Variants in GNA11 observed in about 807,000 individuals in gnomAD.
The protein encoded by GNA11 is G protein subunit alpha 11.
In GNA11, 8 loss-of-function variants were observed where a neutral mutation model predicts 38.2. That is an observed-to-expected ratio of 0.21 (90% confidence interval 0.12 to 0.38). The LOEUF (loss-of-function observed/expected upper bound fraction) is 0.38. GNA11 is among the 10% of genes least tolerant of loss of function. The probability of loss-of-function intolerance (pLI) is 1.00; values close to 1 mark genes in which losing one functional copy is unlikely to be tolerated. For synonymous variants in GNA11, 211 were observed against 221.4 expected (o/e 0.95, Z 0.42); for missense variants, 268 against 516.3 (o/e 0.52, Z 4.66).
At chr19:3,098,869 C>T (rs984942033) in intron 1 of GNA11, among the ~76,000 whole-genome samples, 10 of 152,174 alleles carry the variant, frequency 6.6e-5, no homozygotes, top group South Asian at 2.1e-4. Flanking sequence ...GGACTTGGTC[C>T]GGGCCTGCTC....
chr19:3,116,988 C>T (rs531862312), intron 4 of GNA11, among the ~76,000 whole-genome samples: 289 of 152,236 alleles, frequency 1.9e-3, no homozygotes, highest in African/African-American at 2.1e-3. Context: ...AGGGAGGATG[C>T]GGCGTGAAGA....
chr19:3,121,571 C>T lies in GNA11; in HGVS notation c.*392C>T, dbSNP rs1370024152. 11 of 235,614 alleles carry T rather than the reference C, an allele frequency of 4.7e-5. No individual in the cohort carries two copies. Among genetic ancestry groups the T allele is most frequent in the Middle Eastern group, 1.3e-3 (1 of 796 alleles). The allele number at this position is 235,614 out of a possible 1,614,324, so 14.6% of individuals were successfully genotyped here. A position where few individuals can be genotyped will look rare whatever the true frequency, so the allele number is the denominator to read the frequency against. ...GCCCCCGCCAGCCAGCATGGGGCCC[C>T]GCCCTGCAGCCAGTCACGCGCCCCC... On this transcript the variant is annotated 3_prime_UTR_variant, in exon 7 of 7. Coordinates refer to ENST00000078429, the MANE Select transcript of GNA11 (RefSeq NM_002067.5).
Position 3,113,444 on chromosome 19 carries a change from G to A in GNA11, c.436G>A (p.Asp146Asn), listed in dbSNP as rs778757346. ...GGACCCGGGCATCCAGGAATGCTAC[G>A]ACCGCAGGCGCGAGTACCAGCTCTC... ...WEDPGIQECY[D>N]RRREYQLSDS... is the part of the protein sequence containing the mutation. Residue 146 changes from aspartate to asparagine, a missense_variant, in exon 3 of 7, where the codon GAC (aspartate) becomes AAC (asparagine). Transcript: ENST00000078429. 6.2e-6 allele frequency: 10 copies of A among 1,611,924 alleles called. No individual in the cohort carries two copies. Among genetic ancestry groups the A allele is most frequent in the Admixed American group, 3.3e-5 (2 of 59,854 alleles).
intron 4 of GNA11, 23 bp downstream of exon 4, chr19:3,115,095 C>A (rs377147005): frequency 1.9e-6 from 3 of 1,607,696 alleles, no homozygotes; most frequent in Non-Finnish European, 2.6e-6. Context: ...CCACAGCAGG[C>A]GGGGAGGGGG....
intron 1 of GNA11, among the ~76,000 whole-genome samples, chr19:3,105,702 T>G (rs777179869): frequency 5.9e-5 from 9 of 152,170 alleles, no homozygotes; most frequent in Non-Finnish European, 1.2e-4. Context: ...GCGTTGCCCT[T>G]GGGGTGGCGG....
At chr19:3,098,512 C>A (rs551611823) in intron 1 of GNA11, among the ~76,000 whole-genome samples, 6 of 152,276 alleles carry the variant, frequency 3.9e-5, no homozygotes, top group African/African-American at 1.4e-4. Flanking sequence ...TGGGGACTTC[C>A]ATGGGAATGC....
In GNA11 at chr19:3,120,893, C is replaced by A; in HGVS notation, c.890-96C>A. The A allele has an allele frequency of 1.1e-6, 1 of 880,878 alleles. No homozygotes were observed. The allele number at this position is 880,878 out of a possible 1,614,324, so 54.6% of individuals were successfully genotyped here. Reference sequence around the variant, plus strand: ...GGGGTCGAGCTGGGTGGGCCGTGGGCCTTACTCGCTCATCCCCTGGGAGTG... The same window carrying A: ...GGGGTCGAGCTGGGTGGGCCGTGGGACTTACTCGCTCATCCCCTGGGAGTG... On this transcript the variant is annotated intron_variant, in intron 6 of 6. Coordinates refer to ENST00000078429, the MANE Select transcript of GNA11 (RefSeq NM_002067.5). This position sits in a 1 kb window ranked among gnomAD's most constrained non-coding sequence, Gnocchi z 5.9.
rs2145320628 is a variant in GNA11, at chr19:3,114,937, G to A, written c.477-7G>A. The A allele has an allele frequency of 6.2e-7, 1 of 1,601,314 alleles. No homozygotes were observed. The highest frequency in any genetic ancestry group is 8.5e-7 in the Non-Finnish European group (1 of 1,175,202). On this transcript the variant is annotated splice_polypyrimidine_tract_variant and splice_region_variant and intron_variant, in intron 3 of 6. Transcript: ENST00000078429. ...AGCCGGCCTGAGCACCCACCGCTGTGTTGCAGCTACCTGACCGACGTTGAC... is the reference window on the plus strand; with the variant it reads ...AGCCGGCCTGAGCACCCACCGCTGTATTGCAGCTACCTGACCGACGTTGAC...
At position 3,118,954 on chromosome 19, in the gene GNA11, G is replaced by A. The variant is rs2145326026; in HGVS notation, c.636G>A (p.Glu212=). The change falls in exon 5 of 7, where the codon GAG becomes GAA. Residue 212 remains glutamate, a synonymous_variant. Transcript: ENST00000078429. ...TGGATGTGGGGGGCCAGCGGTCGGA[G>A]CGGAGGAAGTGGATCCACTGCTTTG... ...RMVDVGGQRS[E]RRKWIHCFEN... 3.7e-6 allele frequency: 6 copies of A among 1,613,800 alleles called. No individual in the cohort carries two copies. Among genetic ancestry groups the A allele is most frequent in the Non-Finnish European group, 4.2e-6 (5 of 1,179,712 alleles).
intron 2 of GNA11, among the ~76,000 whole-genome samples, chr19:3,111,910 G>T (rs1467730838): frequency 6.6e-6 from 1 of 152,216 alleles, no homozygotes; most frequent in African/African-American, 2.4e-5. Flanking sequence ...TTTGCCACTT[G>T]CCCTGTCTCC....
chr19:3,118,787 C>G (rs1441228581), intron 4 of GNA11, 137 bp from the exon 5 acceptor site: 1 of 801,804 alleles, frequency 1.2e-6, no homozygotes, highest in Admixed American at 2.2e-5. Context: ...CTTGCCCGTT[C>G]TAAGAGTGGG....
chr19:3,094,884 T>G lies in GNA11; in HGVS notation c.136+97T>G, dbSNP rs1599293290. ...GGCCGGGACCCTCCGGGGTCAGCCC[T>G]GCCTGTGCCGTCCGGGTCGCGAGAC... On this transcript the variant is annotated intron_variant, in intron 1 of 6. Coordinates refer to ENST00000078429, the MANE Select transcript of GNA11 (RefSeq NM_002067.5). The surrounding 1 kb of genome is among the most constrained non-coding windows in gnomAD (Gnocchi z 6.0). 1.3e-5 allele frequency: 12 copies of G among 896,578 alleles called. No individual in the cohort carries two copies. In the East Asian group the frequency reaches 3.7e-4, roughly 28 times the overall value. 55.5% of individuals were successfully genotyped at this position (896,578 alleles called of 1,614,324 possible). A position where few individuals can be genotyped will look rare whatever the true frequency, so the allele number is the denominator to read the frequency against.
In GNA11 at chr19:3,113,351, G is replaced by C. The variant is rs1451507571; in HGVS notation, c.343G>C (p.Glu115Gln). ...QNKANALLIR[E>Q]VDVEKVTTFE... ...GCAGGCCAATGCGCTCCTGATCCGGGAGGTGGACGTGGAGAAGGTGACCAC... is the reference window on the plus strand; with the variant it reads ...GCAGGCCAATGCGCTCCTGATCCGGCAGGTGGACGTGGAGAAGGTGACCAC... The change falls in exon 3 of 7, where the codon GAG (glutamate) becomes CAG (glutamine). Residue 115 changes from glutamate (E) to glutamine (Q), a missense_variant. By Grantham distance (29) the Glu-to-Gln change is conservative. This residue lies in a region of GNA11 where 151 missense variants were observed against 254.0 expected (regional missense o/e 0.59). Transcript: ENST00000078429. 1.2e-6 allele frequency: 2 copies of C among 1,613,474 alleles called. No homozygotes were observed. The highest frequency in any genetic ancestry group is 4.5e-5 in the East Asian group (2 of 44,866).
intron 3 of GNA11, among the ~76,000 whole-genome samples, chr19:3,114,392 A>G (rs533588537): frequency 6.6e-6 from 1 of 152,306 alleles, no homozygotes; most frequent in South Asian, 2.1e-4. Context: ...GGAAGCCGGA[A>G]TCAAGCGTGG....
intron 1 of GNA11, among the ~76,000 whole-genome samples, chr19:3,096,995 C>T (rs1451070102): frequency 3.3e-5 from 5 of 152,272 alleles, no homozygotes; most frequent in East Asian, 1.9e-4. Flanking sequence ...AGCTGGAGGG[C>T]CCCTTGCTGG....
chr19:3,097,151 G>C (rs2145303037), intron 1 of GNA11, among the ~76,000 whole-genome samples: 1 of 152,274 alleles, frequency 6.6e-6, no homozygotes, highest in Non-Finnish European at 1.5e-5. Flanking sequence ...CCGTTTTTCA[G>C]GGAGCAGCTA....
At chr19:3,109,421 G>T (rs549470044) in intron 1 of GNA11, among the ~76,000 whole-genome samples, 2 of 152,328 alleles carry the variant, frequency 1.3e-5, no homozygotes, top group Non-Finnish European at 2.9e-5. Context: ...GACCATCAGT[G>T]TGCCCATCTC....
chr19:3,104,076 C>T (rs1913576360), intron 1 of GNA11, among the ~76,000 whole-genome samples: 1 of 152,012 alleles, frequency 6.6e-6, no homozygotes, highest in Non-Finnish European at 1.5e-5. Flanking sequence ...CCTGCCTCGG[C>T]CTCAAAGTGC....
chr19:3,095,709 A>G (rs1913347061), intron 1 of GNA11, among the ~76,000 whole-genome samples: 1 of 151,774 alleles, frequency 6.6e-6, no homozygotes, highest in South Asian at 2.1e-4. Flanking sequence ...TTGACACCTG[A>G]GGGAGCCTTT....
Sources: gnomAD v4.1 joint callset for allele counts (sites outside exome capture counted in the v4.1 genomes callset) on GRCh38, gnomAD v4.1.1 for gene constraint, gnomAD v4.1.1 regional missense constraint, Gnocchi (gnomAD v3.1) non-coding constraint, MANE v1.5 for transcripts, NCBI Gene and HGNC (gene_info 2026-07-23, HGNC 2026-07-21) for gene names.